ZCCHC14: variants seen among roughly 807,000 people sequenced by gnomAD.
The protein encoded by ZCCHC14 is zinc finger CCHC-type containing 14, also known as zinc finger CCHC domain-containing protein 14.
ZCCHC14 carries 16 observed loss-of-function variants against 85.0 expected under a neutral mutation model. That is an observed-to-expected ratio of 0.19 (90% CI 0.13 to 0.29). The LOEUF (loss-of-function observed/expected upper bound fraction) is 0.29. ZCCHC14 is among the 10% of genes least tolerant of loss of function. The probability of loss-of-function intolerance (pLI) is 1.00; values close to 1 mark genes in which losing one functional copy is unlikely to be tolerated. For synonymous variants in ZCCHC14, 775 were observed against 630.7 expected, an observed-to-expected ratio of 1.23 and a Z score of -3.43; for missense variants, 1,303 against 1,443.5, an observed-to-expected ratio of 0.90 and a Z score of 1.58.
intron 5 of ZCCHC14, 71 bp from the exon 6 acceptor site, chr16:87,419,948 T>A: frequency 7.3e-7 from 1 of 1,360,926 alleles, no homozygotes; most frequent in Non-Finnish European, 1.0e-6. Flanking sequence ...AGAAAAAAAT[T>A]TAACTTTTAA....
At chr16:87,442,079 G>C (rs1910211649) in intron 2 of ZCCHC14, among the ~76,000 whole-genome samples, 1 of 152,240 alleles carries the variant, frequency 6.6e-6, no homozygotes, top group Non-Finnish European at 1.5e-5. Context: ...AGTACAGAAG[G>C]ATAGCAGAGA....
chr16:87,411,961 T>C lies in ZCCHC14; in HGVS notation c.2760A>G (p.Pro920=), dbSNP rs754716470. 6.2e-7 allele frequency: 1 copy of C among 1,602,902 alleles called. No individual in the cohort carries two copies. The highest frequency in any genetic ancestry group is 1.1e-5 in the South Asian group (1 of 90,060). Residue 920 remains proline (P), a synonymous_variant, in exon 12 of 13, where the codon CCA becomes CCG. Coordinates refer to ENST00000671377, the MANE Select transcript of ZCCHC14 (RefSeq NM_015144.3). Reference sequence around the variant, plus strand: ...CACAGGACGTGCACACAATGCAGCCTGGCGGGGGTGGGGCGGGCTGCGGGG... The same window carrying C: ...CACAGGACGTGCACACAATGCAGCCCGGCGGGGGTGGGGCGGGCTGCGGGG... ...PAPPQPAPPP[P]GCIVCTSCGC... is the part of the protein sequence containing the mutation.
chr16:87,469,476 G>A (rs1380483069), intron 1 of ZCCHC14, among the ~76,000 whole-genome samples: 2 of 152,222 alleles, frequency 1.3e-5, no homozygotes, highest in African/African-American at 4.8e-5. Flanking sequence ...GGAGCACAGC[G>A]GTCAGGAGCC....
intron 2 of ZCCHC14, among the ~76,000 whole-genome samples, chr16:87,459,804 T>C (rs1393220512): frequency 6.6e-6 from 1 of 152,178 alleles, no homozygotes; most frequent in Non-Finnish European, 1.5e-5. Context: ...AAACCACGTC[T>C]GGACTTCTCC....
At chr16:87,436,482 G>T (rs565939655) in intron 2 of ZCCHC14, among the ~76,000 whole-genome samples, 5 of 152,356 alleles carry the variant, frequency 3.3e-5, no homozygotes, top group African/African-American at 9.6e-5. Context: ...TAGTGCGGGG[G>T]CTGGGTGACC....
intron 2 of ZCCHC14, among the ~76,000 whole-genome samples, chr16:87,459,714 G>C (rs1259396362): frequency 2.0e-5 from 3 of 152,022 alleles, no homozygotes; most frequent in Admixed American, 6.6e-5. Context: ...TCTTCATGTT[G>C]GTCAGGCTGG....
intron 2 of ZCCHC14, among the ~76,000 whole-genome samples, chr16:87,458,332 G>A (rs1440347488): frequency 6.6e-6 from 1 of 152,188 alleles, no homozygotes; most frequent in African/African-American, 2.4e-5. Context: ...CCGACGCCAA[G>A]TGTCCGCTCT....
chr16:87,415,732 A>G (rs1016170854), intron 8 of ZCCHC14, among the ~76,000 whole-genome samples: 1 of 152,186 alleles, frequency 6.6e-6, no homozygotes, highest in African/African-American at 2.4e-5. Flanking sequence ...GCAGGTGACT[A>G]AAGAAAACGT....
In ZCCHC14 at chr16:87,491,783, C is replaced by A; in HGVS notation, c.456G>T (p.Val152=). ...GGATCTGCGTGAGCTCCTGGCGCAGCACCTGCTTCTGGTGGAAGCTGAAGG... is the reference window on the plus strand; with the variant it reads ...GGATCTGCGTGAGCTCCTGGCGCAGAACCTGCTTCTGGTGGAAGCTGAAGG... ...HPAFSFHQKQ[V]LRQELTQIQS... The change falls in exon 1 of 13, where the codon GTG becomes GTT. Residue 152 remains valine, a synonymous_variant. Coordinates refer to ENST00000671377, the MANE Select transcript of ZCCHC14 (RefSeq NM_015144.3). The surrounding 1 kb of genome is among the most constrained non-coding windows in gnomAD (Gnocchi z 5.9). 6.3e-7 allele frequency: 1 copy of A among 1,589,424 alleles called. No individual in the cohort carries two copies. The highest frequency in any genetic ancestry group is 2.4e-5 in the East Asian group (1 of 42,182).
intron 2 of ZCCHC14, among the ~76,000 whole-genome samples, chr16:87,445,744 A>G (rs1910405800): frequency 6.6e-6 from 1 of 152,218 alleles, no homozygotes; most frequent in Admixed American, 6.5e-5. Flanking sequence ...AGAACTGAAG[A>G]CCAGGGCAAA....
chr16:87,455,297 C>CCG (rs1910903968), intron 2 of ZCCHC14, among the ~76,000 whole-genome samples: 1 of 151,596 alleles, frequency 6.6e-6, no homozygotes, highest in Admixed American at 6.6e-5. Flanking sequence ...CCCCCCCGCC[C>CCG]CCGCAAAAAA....
chr16:87,460,764 T>G (rs1450843725), intron 1 of ZCCHC14, among the ~76,000 whole-genome samples: 1 of 152,172 alleles, frequency 6.6e-6, no homozygotes, highest in East Asian at 1.9e-4. Context: ...AACTTTTATT[T>G]TCATATTTCT....
chr16:87,439,674 G>A (rs991314658), intron 2 of ZCCHC14, among the ~76,000 whole-genome samples: 2 of 152,098 alleles, frequency 1.3e-5, no homozygotes, highest in Non-Finnish European at 2.9e-5. Context: ...GTATAACTAT[G>A]AGATATCCAT....
At chr16:87,440,031 T>G (rs932236863) in intron 2 of ZCCHC14, among the ~76,000 whole-genome samples, 4 of 152,152 alleles carry the variant, frequency 2.6e-5, no homozygotes, top group Non-Finnish European at 5.9e-5. Context: ...GCGCTCGAAC[T>G]CCAGGGCTCC....
At chr16:87,435,062 C>A (rs1409147717) in intron 2 of ZCCHC14, among the ~76,000 whole-genome samples, 2 of 149,586 alleles carry the variant, frequency 1.3e-5, no homozygotes, top group Admixed American at 1.3e-4. Context: ...TGTAAACTGT[C>A]AATGTACATT....
chr16:87,484,216 G>T (rs1202589891), intron 1 of ZCCHC14, among the ~76,000 whole-genome samples: 1 of 152,214 alleles, frequency 6.6e-6, no homozygotes, highest in Non-Finnish European at 1.5e-5. Flanking sequence ...CAACACCCAG[G>T]GAAAGGAGAA....
intron 1 of ZCCHC14, among the ~76,000 whole-genome samples, chr16:87,464,502 A>T (rs1459411398): frequency 6.6e-6 from 1 of 152,212 alleles, no homozygotes; most frequent in Non-Finnish European, 1.5e-5. Context: ...TTCCCCACGC[A>T]GACAGGAAGA....
At chr16:87,426,563 C>T (rs1414361487) in intron 3 of ZCCHC14, among the ~76,000 whole-genome samples, 1 of 152,220 alleles carries the variant, frequency 6.6e-6, no homozygotes, top group African/African-American at 2.4e-5. Context: ...TGGCTCTGAA[C>T]ATCAGTGTTT....
At chr16:87,458,080 C>T (rs573366018) in intron 2 of ZCCHC14, among the ~76,000 whole-genome samples, 1 of 142,784 alleles carries the variant, frequency 7.0e-6, no homozygotes, top group Non-Finnish European at 1.5e-5. Flanking sequence ...GACAGATACT[C>T]GCTACTTTGA....
Sources: gnomAD v4.1 joint callset for allele counts (sites outside exome capture counted in the v4.1 genomes callset) on GRCh38, gnomAD v4.1.1 for gene constraint, Gnocchi (gnomAD v3.1) non-coding constraint, MANE v1.5 for transcripts, NCBI Gene and HGNC (gene_info 2026-07-23, HGNC 2026-07-21) for gene names.